Variants in SH2D7 observed in about 807,000 individuals in gnomAD.
SH2D7 encodes SH2 domain containing 7.
In SH2D7, 32 loss-of-function variants were observed where a neutral mutation model predicts 40.8. The observed-to-expected ratio is 0.78, with a 90% confidence interval of 0.59 to 1.05. The LOEUF is 1.05. Among genes scored for constraint, SH2D7 ranks in the 50% least tolerant of loss-of-function variants. SH2D7 has a pLI of 0.00. For synonymous variants in SH2D7, 195 were observed against 221.5 expected, an observed-to-expected ratio of 0.88 and a Z score of 1.06; for missense variants, 559 against 566.6, an observed-to-expected ratio of 0.99 and a Z score of 0.14.
rs2074031221 is a variant in SH2D7, at chr15:78,103,557, C to G, written c.*42C>G. ...AGCCCACCAGTGGGTTTCCTGGTAC[C>G]CAGGCCATGCCAGGGGTTATCGCAA... On this transcript the variant is annotated 3_prime_UTR_variant, in exon 6 of 6. Transcript: ENST00000328828. The G allele has an allele frequency of 6.4e-7, 1 of 1,551,152 alleles. No individual in the cohort carries two copies. The highest frequency in any genetic ancestry group is 2.0e-5 in the Admixed American group (1 of 51,126).
At chr15:78,095,174 AGT>A (rs779384953) in intron 2 of SH2D7, among the ~76,000 whole-genome samples, 1 of 152,260 alleles carries the variant, frequency 6.6e-6, no homozygotes, top group Non-Finnish European at 1.5e-5. Context: ...GCTTGATGAA[AGT>A]GTGCAATCAG....
In SH2D7 at chr15:78,101,394, T is replaced by G; in HGVS notation, c.1141T>G (p.Trp381Gly). ...GSTYEQIPAC[W>G]GGPARAPHPG... Reference sequence around the variant, plus strand: ...CACCTATGAGCAGATCCCAGCTTGCTGGGGTGGCCCAGCCAGGGCCCCACA... The same window carrying G: ...CACCTATGAGCAGATCCCAGCTTGCGGGGGTGGCCCAGCCAGGGCCCCACA... Residue 381 changes from tryptophan to glycine, a missense_variant, in exon 5 of 6, where the codon TGG becomes GGG. Physicochemically the swap from Trp to Gly is radical, Grantham distance 184. Coordinates refer to ENST00000328828, the MANE Select transcript of SH2D7 (RefSeq NM_001101404.2). 4.3e-6 allele frequency: 7 copies of G among 1,613,488 alleles called. No individual in the cohort carries two copies. Among genetic ancestry groups the G allele is most frequent in the Non-Finnish European group, 5.9e-6 (7 of 1,179,714 alleles).
chr15:78,090,988 G>A (rs893175771), upstream of SH2D7, among the ~76,000 whole-genome samples: 4 of 152,046 alleles, frequency 2.6e-5, no homozygotes, highest in African/African-American at 4.8e-5. Flanking sequence ...GCAGCTTTTC[G>A]CTCCCCACCC....
chr15:78,097,301 T>C (rs934606888), intron 2 of SH2D7, among the ~76,000 whole-genome samples: 3 of 152,228 alleles, frequency 2.0e-5, no homozygotes, highest in Non-Finnish European at 4.4e-5. Context: ...GGAGGGTTCC[T>C]ATATGGAAAT....
upstream of SH2D7, among the ~76,000 whole-genome samples, chr15:78,090,347 G>T (rs1280216134): frequency 6.6e-6 from 1 of 152,194 alleles, no homozygotes; most frequent in Non-Finnish European, 1.5e-5. Context: ...GGCAGAGGTT[G>T]CAGTGAACGG....
In SH2D7 at chr15:78,092,623, T is replaced by A; in HGVS notation, c.39T>A (p.Asp13Glu). The change falls in exon 1 of 6, where the codon GAT becomes GAA. Residue 13 changes from aspartate to glutamate, a missense_variant. Asp to Glu is a conservative substitution (Grantham distance 45). Coordinates refer to ENST00000328828, the MANE Select transcript of SH2D7 (RefSeq NM_001101404.2). ...DSLKQLSLGR[D>E]PEGAGDSQAL... ...TAAAGCAGCTCAGCCTGGGGAGAGATCCTGAGGGGGCAGGGGACAGCCAGG... is the reference window on the plus strand; with the variant it reads ...TAAAGCAGCTCAGCCTGGGGAGAGAACCTGAGGGGGCAGGGGACAGCCAGG... 2 of 1,554,902 alleles carry A rather than the reference T, an allele frequency of 1.3e-6. No homozygotes were observed. Among genetic ancestry groups the A allele is most frequent in the Non-Finnish European group, 1.7e-6 (2 of 1,149,062 alleles).
chr15:78,095,193 C>T (rs1287427502), intron 2 of SH2D7, among the ~76,000 whole-genome samples: 1 of 152,284 alleles, frequency 6.6e-6, no homozygotes, highest in Non-Finnish European at 1.5e-5. Flanking sequence ...TCAGTTGATA[C>T]GTTTAAAACT....
In SH2D7 at chr15:78,101,451, G is replaced by A; in HGVS notation, c.1198G>A (p.Val400Ile). 4 of 1,613,284 alleles carry A rather than the reference G, an allele frequency of 2.5e-6. No homozygotes were observed. Among genetic ancestry groups the A allele is most frequent in the South Asian group, 2.2e-5 (2 of 90,968 alleles). ...PGASPTYSPWVHGYKRISGTP... is the reference protein window; with the variant it reads ...PGASPTYSPWIHGYKRISGTP... ...GGCCAGTCCCACATATAGCCCATGG[G>A]TCCATGGCTACAAGAGGATCTCAGG... The change falls in exon 5 of 6, where the codon GTC becomes ATC. Residue 400 changes from valine (V) to isoleucine (I), a missense_variant. Physicochemically the swap from Val to Ile is conservative, Grantham distance 29 (BLOSUM62 3). Coordinates refer to ENST00000328828, the MANE Select transcript of SH2D7 (RefSeq NM_001101404.2).
intron 1 of SH2D7, among the ~76,000 whole-genome samples, chr15:78,093,219 G>GC: frequency 6.6e-6 from 1 of 152,320 alleles, no homozygotes; most frequent in East Asian, 1.9e-4. Flanking sequence ...TCTCCAAGCA[G>GC]CCAAAACACC....
At chr15:78,098,651 T>A in intron 4 of SH2D7, 55 bp downstream of exon 4, 1 of 1,554,442 alleles carries the variant, frequency 6.4e-7, no homozygotes, top group Non-Finnish European at 8.7e-7. Flanking sequence ...GGGATGTGGG[T>A]GCCATGCTCC....
At chr15:78,093,953 C>A (rs1400702741) in intron 1 of SH2D7, among the ~76,000 whole-genome samples, 159 bp from the exon 2 acceptor site, 1 of 152,180 alleles carries the variant, frequency 6.6e-6, no homozygotes, top group African/African-American at 2.4e-5. Context: ...CCCTGACAGG[C>A]CACAGACCCA....
At chr15:78,093,407 C>T (rs1175221414) in intron 1 of SH2D7, among the ~76,000 whole-genome samples, 1 of 152,184 alleles carries the variant, frequency 6.6e-6, no homozygotes, top group African/African-American at 2.4e-5. Context: ...GAACCAGGGG[C>T]CCCATGTTTT....
chr15:78,100,952 G>A lies in SH2D7; in HGVS notation c.699G>A (p.Glu233=). 1.2e-6 allele frequency: 2 copies of A among 1,613,928 alleles called. No homozygotes were observed. The highest frequency in any genetic ancestry group is 2.2e-5 in the South Asian group (2 of 91,082). The change falls in exon 5 of 6, where the codon GAG becomes GAA. Residue 233 remains glutamate (E), a synonymous_variant. Transcript: ENST00000328828. The part of the protein sequence containing the change: ...LPEKSSSLLE[E]SFGGPSDIIY... Reference sequence around the variant, plus strand: ...AGAAGAGTTCCTCCCTCCTGGAAGAGTCTTTTGGAGGCCCCAGTGACATCA... The same window carrying A: ...AGAAGAGTTCCTCCCTCCTGGAAGAATCTTTTGGAGGCCCCAGTGACATCA...
rs746036780 is a variant in SH2D7 at position 78,097,950 on chromosome 15, T to C, written c.288T>C (p.His96=). 2.5e-6 allele frequency: 4 copies of C among 1,606,162 alleles called. No individual in the cohort carries two copies. The Admixed American group carries it at 6.8e-5, about 27-fold the overall frequency. ...LSYRGSDRCR[H]FVINQLRNRR... ...GCAGGGGCAGTGATCGCTGCCGACATTTTGTCATCAACCAGCTTCGAAACC... is the reference window on the plus strand; with the variant it reads ...GCAGGGGCAGTGATCGCTGCCGACACTTTGTCATCAACCAGCTTCGAAACC... The change falls in exon 3 of 6, where the codon CAT becomes CAC. Residue 96 remains histidine (H), a synonymous_variant. Coordinates refer to ENST00000328828, the MANE Select transcript of SH2D7 (RefSeq NM_001101404.2).
chr15:78,102,628 G>A (rs538329611), intron 5 of SH2D7, among the ~76,000 whole-genome samples: 1 of 152,190 alleles, frequency 6.6e-6, no homozygotes, highest in South Asian at 2.1e-4. Context: ...GACCTTCTAA[G>A]GGCTTTCTGT....
At chr15:78,093,519 C>G (rs1596339245) in intron 1 of SH2D7, among the ~76,000 whole-genome samples, 1 of 152,224 alleles carries the variant, frequency 6.6e-6, no homozygotes, top group African/African-American at 2.4e-5. Flanking sequence ...CTGTGTACTG[C>G]CAAACCACAA....
At chr15:78,100,448 A>G (rs1210467291) in intron 4 of SH2D7, among the ~76,000 whole-genome samples, 4 of 152,206 alleles carry the variant, frequency 2.6e-5, no homozygotes, top group Non-Finnish European at 5.9e-5. Context: ...CTGTAATCCC[A>G]GCACTTTGGG....
intron 5 of SH2D7, 128 bp downstream of exon 5, chr15:78,101,686 C>T: frequency 1.7e-6 from 2 of 1,153,166 alleles, no homozygotes; most frequent in Non-Finnish European, 2.4e-6. Context: ...ACAGAATTTT[C>T]CAGCCCTAAT....
intron 2 of SH2D7, among the ~76,000 whole-genome samples, chr15:78,094,568 AAGGGTGCTGGGGGAGCTGC>A (rs1194345201): frequency 1.8e-4 from 28 of 152,134 alleles, no homozygotes; most frequent in Non-Finnish European, 3.2e-4. Context: ...CATGAAAGAC[AAGGGTGCTGGGGGAGCTGC>A]AGGGTGCTGG....
Sources: gnomAD v4.1 joint callset for allele counts (sites outside exome capture counted in the v4.1 genomes callset) on GRCh38, gnomAD v4.1.1 for gene constraint, MANE v1.5 for transcripts, NCBI Gene and HGNC (gene_info 2026-07-23, HGNC 2026-07-21) for gene names.